The following DARS1 variants were observed in gnomAD, a reference collection of about 807,000 sequenced individuals.
DARS1 encodes the protein aspartate--tRNA ligase, cytoplasmic.
Under a neutral mutation model 68.8 loss-of-function variants are expected in DARS1, and 51 were observed. The ratio of observed to expected loss-of-function variants is 0.74; its 90% CI spans 0.59 to 0.94. DARS1 has a LOEUF of 0.94. Ranked by LOEUF, DARS1 falls within the 40% of genes least tolerant of loss-of-function variation. DARS1 has a pLI of 0.00. For synonymous variants in DARS1, 203 were observed against 190.4 expected, an observed-to-expected ratio of 1.07 and a Z score of -0.55; for missense variants, 607 against 597.3, an observed-to-expected ratio of 1.02 and a Z score of -0.17.
intron 5 of DARS1, among the ~76,000 whole-genome samples, chr2:135,942,471 A>G (rs2104818357): frequency 7.8e-6 from 1 of 128,396 alleles, no homozygotes; most frequent in South Asian, 2.6e-4. Context: ...ACTTGGACAC[A>G]GGAAGGGGAA....
intron 1 of DARS1, among the ~76,000 whole-genome samples, chr2:135,984,616 T>G (rs1408381281): frequency 1.3e-5 from 2 of 152,224 alleles, no homozygotes; most frequent in East Asian, 3.8e-4. Context: ...ACTATTAATA[T>G]TTCAGTGACT....
chr2:135,935,514 G>T (rs1185505784), intron 5 of DARS1, among the ~76,000 whole-genome samples: 1 of 151,982 alleles, frequency 6.6e-6, no homozygotes, highest in Non-Finnish European at 1.5e-5. Flanking sequence ...GCAGGAGAAT[G>T]GCGTGAACCT....
chr2:135,981,283 G>A (rs1682624809), intron 2 of DARS1, among the ~76,000 whole-genome samples: 1 of 152,192 alleles, frequency 6.6e-6, no homozygotes, highest in African/African-American at 2.4e-5. Flanking sequence ...GCTCAAGGAA[G>A]TACAGTTGAG....
chr2:135,946,942 C>T (rs568244635), intron 4 of DARS1, among the ~76,000 whole-genome samples: 6 of 152,050 alleles, frequency 3.9e-5, no homozygotes, highest in East Asian at 1.9e-4. Flanking sequence ...CCACCACGCC[C>T]GGCTAATTTC....
intron 5 of DARS1, chr2:135,943,133 T>C (rs368082929): frequency 2.7e-6 from 1 of 374,120 alleles, no homozygotes; most frequent in Non-Finnish European, 4.7e-6. Context: ...CCAGCCAATG[T>C]TGCATGGAGC....
chr2:135,972,549 G>A (rs1682396783), intron 3 of DARS1, among the ~76,000 whole-genome samples: 1 of 152,090 alleles, frequency 6.6e-6, no homozygotes. Context: ...CACAAGCACA[G>A]GCAACTGAAG....
chr2:135,908,252 C>T (rs570004205), intron 15 of DARS1, among the ~76,000 whole-genome samples: 12 of 152,230 alleles, frequency 7.9e-5, no homozygotes, highest in African/African-American at 2.2e-4. Flanking sequence ...GAGGCGAATA[C>T]GCACTATTCT....
intron 13 of DARS1, among the ~76,000 whole-genome samples, chr2:135,911,805 G>A (rs1680902501): frequency 6.6e-6 from 1 of 151,970 alleles, no homozygotes; most frequent in South Asian, 2.1e-4. Flanking sequence ...ATTATTTTGG[G>A]GTGACTTTTG....
At chr2:135,979,231 G>T (rs773054481) in intron 3 of DARS1, 43 bp downstream of exon 3, 8 of 870,872 alleles carry the variant, frequency 9.2e-6, no homozygotes, top group African/African-American at 5.0e-5. Context: ...CAAAAAATTC[G>T]GAGTCCTTAC....
chr2:135,937,331 C>T (rs185103232), intron 5 of DARS1, among the ~76,000 whole-genome samples: 123 of 151,862 alleles, frequency 8.1e-4, no homozygotes, highest in African/African-American at 2.9e-3. Context: ...TCAAGTGACA[C>T]TTATGGTATT....
At chr2:135,914,005 A>T (rs913124832) in intron 12 of DARS1, among the ~76,000 whole-genome samples, 7 of 152,230 alleles carry the variant, frequency 4.6e-5, no homozygotes, top group African/African-American at 1.7e-4. Flanking sequence ...TAAAAATTTT[A>T]AAAAGATCAT....
At chr2:135,923,656 T>G (rs1681153129) in intron 8 of DARS1, among the ~76,000 whole-genome samples, 1 of 152,194 alleles carries the variant, frequency 6.6e-6, no homozygotes, top group South Asian at 2.1e-4. Flanking sequence ...AAATGCCATT[T>G]GTAACACACT....
chr2:135,922,334 C>G (rs1217233736), intron 9 of DARS1, among the ~76,000 whole-genome samples: 2 of 152,242 alleles, frequency 1.3e-5, no homozygotes, highest in African/African-American at 4.8e-5. Context: ...ACTGCAACTA[C>G]CTGCTCTTCA....
intron 7 of DARS1, among the ~76,000 whole-genome samples, chr2:135,930,324 G>T (rs1296794012): frequency 6.6e-6 from 1 of 152,202 alleles, no homozygotes; most frequent in Admixed American, 6.5e-5. Flanking sequence ...GGATAATGTG[G>T]TGTATTAGCA....
intron 7 of DARS1, among the ~76,000 whole-genome samples, chr2:135,927,118 G>A (rs1345290531): frequency 6.6e-6 from 1 of 152,132 alleles, no homozygotes; most frequent in Non-Finnish European, 1.5e-5. Context: ...TTTTAAAACT[G>A]TTTCCCCATT....
intron 4 of DARS1, among the ~76,000 whole-genome samples, chr2:135,958,615 A>G (rs1183313670): frequency 6.6e-6 from 1 of 152,242 alleles, no homozygotes; most frequent in Non-Finnish European, 1.5e-5. Context: ...CATCTGGAAC[A>G]TAAAATCATG....
chr2:135,957,172 C>T (rs1274932332), intron 4 of DARS1, among the ~76,000 whole-genome samples: 3 of 152,100 alleles, frequency 2.0e-5, no homozygotes, highest in South Asian at 2.1e-4. Context: ...TCAGGTGATT[C>T]TCCCACCTCA....
chr2:135,953,376 T>C (rs1330529931), intron 4 of DARS1, among the ~76,000 whole-genome samples: 1 of 152,248 alleles, frequency 6.6e-6, no homozygotes, highest in Non-Finnish European at 1.5e-5. Context: ...AGATAAATTC[T>C]TATTTTAAAT....
intron 15 of DARS1, among the ~76,000 whole-genome samples, chr2:135,908,225 C>T (rs1428336098): frequency 6.6e-6 from 1 of 152,132 alleles, no homozygotes; most frequent in East Asian, 1.9e-4. Context: ...AAACTAGAAA[C>T]AATGCTTTCC....
Sources: allele counts gnomAD v4.1 joint callset (sites outside exome capture counted in the v4.1 genomes callset), GRCh38; gene constraint gnomAD v4.1.1; transcripts MANE v1.5; gene names NCBI Gene and HGNC (gene_info 2026-07-23, HGNC 2026-07-21).